OIP5: variants seen among roughly 807,000 people sequenced by gnomAD.
OIP5 encodes Opa interacting protein 5.
A neutral mutation model predicts 20.3 loss-of-function variants in OIP5; 24 were observed. The ratio of observed to expected loss-of-function variants is 1.18; its 90% CI spans 0.86 to 1.66. OIP5 has a LOEUF of 1.66. Among genes scored for constraint, OIP5 ranks in the 40% most tolerant of loss-of-function variants. OIP5 has a pLI of 0.00. For missense variants in OIP5, 339 were observed against 289.5 expected, an observed-to-expected ratio of 1.17 and a Z score of -1.24; for synonymous variants, 143 against 121.3, an observed-to-expected ratio of 1.18 and a Z score of -1.17.
intron 2 of OIP5, among the ~76,000 whole-genome samples, chr15:41,329,063 C>CA (rs1166517767): frequency 0.067 from 3,381 of 50,128 alleles, 416 homozygotes; most frequent in East Asian, 0.19. Context: ...GACTCCATCT[C>CA]AAAAAAAAAA....
chr15:41,324,269 A>G lies in OIP5; in HGVS notation c.390-4489T>C, dbSNP rs573904867. On this transcript the variant is annotated intron_variant, in intron 2 of 4. Transcript: ENST00000220514. ...CTCGGCCTCCCAAAGTGCTGGGATT[A>G]CAGGCGTGAGCCATTGCACCGAGCC... Among the ~76,000 whole-genome samples, 3 of 152,278 alleles carry G rather than the reference A, an allele frequency of 2.0e-5. No homozygotes were observed. In the South Asian group the frequency reaches 6.2e-4, roughly 32 times the overall value.
chr15:41,319,590 T>G lies in OIP5; in HGVS notation c.512+68A>C. On this transcript the variant is annotated intron_variant, in intron 3 of 4. Coordinates refer to ENST00000220514, the MANE Select transcript of OIP5 (RefSeq NM_007280.2). ...TCCTGAAAAACCTTTTAAAATTTATTTGATGGACTTTGTCTCAAAATAAAT... is the reference window on the plus strand; with the variant it reads ...TCCTGAAAAACCTTTTAAAATTTATGTGATGGACTTTGTCTCAAAATAAAT... 4.6e-6 allele frequency: 7 copies of G among 1,507,604 alleles called. No individual in the cohort carries two copies. In the South Asian group the frequency reaches 8.6e-5, roughly 18 times the overall value. The allele number at this position is 1,507,604 out of a possible 1,614,324, so 93.4% of individuals were successfully genotyped here.
Position 41,332,520 on chromosome 15 carries a change from C to T in OIP5, c.42G>A (p.Thr14=), listed in dbSNP as rs760171756. 1.9e-6 allele frequency: 3 copies of T among 1,612,318 alleles called. No homozygotes were observed. Among genetic ancestry groups the T allele is most frequent in the South Asian group, 1.1e-5 (1 of 90,942 alleles). The change falls in exon 1 of 5, where the codon ACG becomes ACA. Residue 14 remains threonine, a synonymous_variant. Transcript: ENST00000220514. ...QPLRHRSRCA[T]PPRGDFCGGT... is the part of the protein sequence containing the mutation. ...CACCACAAAAGTCCCCCCGGGGCGG[C>T]GTTGCACAACGTGAGCGATGCCGCA...
chr15:41,313,421 C>T, intron 3 of OIP5, 67 bp from the exon 4 acceptor site: 2 of 875,372 alleles, frequency 2.3e-6, no homozygotes, highest in Non-Finnish European at 1.8e-6. Context: ...ACCAAACTTA[C>T]CTTCTAAAGA....
intron 3 of OIP5, among the ~76,000 whole-genome samples, chr15:41,314,912 G>T (rs915031773): frequency 2.0e-5 from 3 of 151,488 alleles, no homozygotes; most frequent in Admixed American, 1.3e-4. Context: ...GATTACAGCT[G>T]TGAGCCAACA....
Position 41,309,626 on chromosome 15 carries a change from A to G in OIP5, c.*128T>C, listed in dbSNP as rs1453448280. Reference sequence around the variant, plus strand: ...CACAAATAATTTGGAAAATCAGCCTAAAGGTAAATAGAAACTGCATTTCCC... The same window carrying G: ...CACAAATAATTTGGAAAATCAGCCTGAAGGTAAATAGAAACTGCATTTCCC... On this transcript the variant is annotated 3_prime_UTR_variant, in exon 5 of 5. Transcript: ENST00000220514. The G allele has an allele frequency of 2.6e-5, 15 of 583,326 alleles. No individual in the cohort carries two copies. The East Asian group carries it at 3.8e-4, about 15-fold the overall frequency. 36.1% of individuals were successfully genotyped at this position (583,326 alleles called of 1,614,324 possible).
chr15:41,313,419 T>G, intron 3 of OIP5, 65 bp from the exon 4 acceptor site: 5 of 890,132 alleles, frequency 5.6e-6, no homozygotes, highest in Non-Finnish European at 8.8e-6. Flanking sequence ...GAACCAAACT[T>G]ACCTTCTAAA....
Position 41,309,635 on chromosome 15 carries a change from T to A in OIP5, c.*119A>T. The A allele has an allele frequency of 1.6e-6, 1 of 633,990 alleles. No homozygotes were observed. The highest frequency in any genetic ancestry group is 2.1e-5 in the South Asian group (1 of 46,516). 39.3% of individuals were successfully genotyped at this position (633,990 alleles called of 1,614,324 possible). A position where few individuals can be genotyped will look rare whatever the true frequency, so the allele number is the denominator to read the frequency against. On this transcript the variant is annotated 3_prime_UTR_variant, in exon 5 of 5. Coordinates refer to ENST00000220514, the MANE Select transcript of OIP5 (RefSeq NM_007280.2). Reference sequence around the variant, plus strand: ...TTTGGAAAATCAGCCTAAAGGTAAATAGAAACTGCATTTCCCCTCCATTCT... The same window carrying A: ...TTTGGAAAATCAGCCTAAAGGTAAAAAGAAACTGCATTTCCCCTCCATTCT...
chr15:41,319,155 C>T (rs2047806582), intron 3 of OIP5, among the ~76,000 whole-genome samples: 1 of 151,886 alleles, frequency 6.6e-6, no homozygotes, highest in South Asian at 2.1e-4. Context: ...ACTGTGCAAC[C>T]TCCACCTCTC....
chr15:41,320,737 G>A (rs913924588), intron 2 of OIP5, among the ~76,000 whole-genome samples: 1 of 152,034 alleles, frequency 6.6e-6, no homozygotes, highest in Non-Finnish European at 1.5e-5. Context: ...TCTCTGCCTG[G>A]CCACCCATCG....
In OIP5 at chr15:41,331,896, T is replaced by C. The variant is rs774471299; in HGVS notation, c.389+19A>G. 1.2e-6 allele frequency: 2 copies of C among 1,606,914 alleles called. No individual in the cohort carries two copies. Among genetic ancestry groups the C allele is most frequent in the South Asian group, 2.2e-5 (2 of 90,942 alleles). ...CATAAAGTCAGGGACTAGAGACCAA[T>C]GTAATTATCAATACGTACCTGCCTT... On this transcript the variant is annotated intron_variant, in intron 2 of 4. Coordinates refer to ENST00000220514, the MANE Select transcript of OIP5 (RefSeq NM_007280.2).
Position 41,319,680 on chromosome 15 carries a change from G to A in OIP5, c.490C>T (p.Leu164Phe). Reference protein sequence around the residue: ...ALAALRGHFCLSSDKMVCYLL... With the variant: ...ALAALRGHFCFSSDKMVCYLL... ...CACCACACCATTTTGTCACTGGAAAGGCAGAAGTGACCTCTCAAGGCAGCC... is the reference window on the plus strand; with the variant it reads ...CACCACACCATTTTGTCACTGGAAAAGCAGAAGTGACCTCTCAAGGCAGCC... Residue 164 changes from leucine (L) to phenylalanine (F), a missense_variant, in exon 3 of 5, where the codon CTT (leucine) becomes TTT (phenylalanine). Physicochemically the swap from Leu to Phe is conservative, Grantham distance 22. Coordinates refer to ENST00000220514, the MANE Select transcript of OIP5 (RefSeq NM_007280.2). 1 of 1,613,656 alleles carries A rather than the reference G, an allele frequency of 6.2e-7. No homozygotes were observed. Among genetic ancestry groups the A allele is most frequent in the Non-Finnish European group, 8.5e-7 (1 of 1,179,770 alleles).
Sources: allele counts gnomAD v4.1 joint callset (sites outside exome capture counted in the v4.1 genomes callset), GRCh38; gene constraint gnomAD v4.1.1; transcripts MANE v1.5; gene names NCBI Gene and HGNC (gene_info 2026-07-23, HGNC 2026-07-21).